AGO2: variants seen among roughly 807,000 people sequenced by gnomAD.
AGO2 encodes the protein protein argonaute-2.
AGO2 carries 5 observed loss-of-function variants against 102.3 expected under a neutral mutation model. The observed-to-expected ratio is 0.05, with a 90% CI of 0.03 to 0.10. AGO2 has a LOEUF of 0.10. Ranked by LOEUF, AGO2 falls within the 10% of genes least tolerant of loss-of-function variation. The pLI, the probability that AGO2 is intolerant of heterozygous loss-of-function variation, is 1.00. For missense variants in AGO2, 541 were observed against 1,183.7 expected, an observed-to-expected ratio of 0.46 and a Z score of 7.97; for synonymous variants, 449 against 473.1, an observed-to-expected ratio of 0.95 and a Z score of 0.66.
chr8:140,555,598 A>C (rs1588452785), intron 10 of AGO2: 1 of 297,478 alleles, frequency 3.4e-6, no homozygotes, highest in East Asian at 6.8e-5. Context: ...CCTTCTGGGA[A>C]ATAATTCGAC....
At chr8:140,597,893 C>G (rs1020383303) in intron 1 of AGO2, among the ~76,000 whole-genome samples, 1 of 152,198 alleles carries the variant, frequency 6.6e-6, no homozygotes, top group Non-Finnish European at 1.5e-5. Context: ...CGGGCTGTTG[C>G]GTCATCTGCC....
In AGO2 at chr8:140,615,245, T is replaced by C. The variant is rs1422663786; in HGVS notation, c.22+20240A>G. 2.0e-5 allele frequency among the ~76,000 whole-genome samples: 3 copies of C among 152,242 alleles called. No homozygotes were observed. In the East Asian group the frequency reaches 5.8e-4, roughly 29 times the overall value. On this transcript the variant is annotated intron_variant, in intron 1 of 18. Transcript: ENST00000220592. Reference sequence around the variant, plus strand: ...CAGCCCAGGCAACAGAGTAAGATCCTGTCTCAAAATAAAATATTATAAACA... The same window carrying C: ...CAGCCCAGGCAACAGAGTAAGATCCCGTCTCAAAATAAAATATTATAAACA...
chr8:140,574,140 A>ACCCCCCCCCCCCCCCCCC (rs2073428615), intron 2 of AGO2, among the ~76,000 whole-genome samples: 1 of 51,730 alleles, frequency 1.9e-5, no homozygotes, highest in Non-Finnish European at 4.2e-5. Flanking sequence ...CCACCCCCCA[A>ACCCCCCCCCCCCCCCCCC]CCCCCACTTC....
At chr8:140,545,024 C>A (rs556632128) in intron 13 of AGO2, among the ~76,000 whole-genome samples, 2 of 152,298 alleles carry the variant, frequency 1.3e-5, no homozygotes, top group East Asian at 3.9e-4. Context: ...CTGCTGCAGG[C>A]AACATCAGGA....
At chr8:140,537,977 C>A (rs983634066) in intron 16 of AGO2, among the ~76,000 whole-genome samples, 3 of 152,086 alleles carry the variant, frequency 2.0e-5, no homozygotes, top group Non-Finnish European at 4.4e-5. Context: ...CGCCACCACG[C>A]CTGGGTAATT....
intron 1 of AGO2, among the ~76,000 whole-genome samples, chr8:140,612,798 A>C (rs1312088990): frequency 6.6e-6 from 1 of 152,124 alleles, no homozygotes; most frequent in Non-Finnish European, 1.5e-5. Context: ...GTTTTGGTGT[A>C]GTAGCAACAA....
At chr8:140,619,562 TGCGCCGCAGAGCACAGAAGAGGAG>T (rs1254227299) in intron 1 of AGO2, among the ~76,000 whole-genome samples, 1 of 152,144 alleles carries the variant, frequency 6.6e-6, no homozygotes, top group African/African-American at 2.4e-5. Context: ...GGCCGCTCAC[TGCGCCGCAGAGCACAGAAGAGGAG>T]GGACCTACCC....
chr8:140,544,589 AGGAGGGC>A (rs2072864064), intron 13 of AGO2, among the ~76,000 whole-genome samples: 1 of 135,324 alleles, frequency 7.4e-6, no homozygotes, highest in Non-Finnish European at 1.6e-5. Flanking sequence ...GCCCAGGCCC[AGGAGGGC>A]TCACCCTTCT....
intron 1 of AGO2, among the ~76,000 whole-genome samples, chr8:140,606,665 G>A (rs867887248): frequency 1.3e-4 from 20 of 152,190 alleles, no homozygotes; most frequent in Non-Finnish European, 1.0e-4. Context: ...GGCTGGGCGC[G>A]GTGGCTCATG....
intron 2 of AGO2, among the ~76,000 whole-genome samples, chr8:140,581,209 C>A (rs954290787): frequency 6.6e-6 from 1 of 152,238 alleles, no homozygotes; most frequent in African/African-American, 2.4e-5. Context: ...TTGAGACCAG[C>A]CTGGGCAACA....
intron 2 of AGO2, among the ~76,000 whole-genome samples, chr8:140,584,063 T>C (rs1052022168): frequency 1.3e-5 from 2 of 150,992 alleles, no homozygotes; most frequent in Non-Finnish European, 2.9e-5. Flanking sequence ...CGGAGGATGC[T>C]TACAAATGCA....
intron 3 of AGO2, 45 bp from the exon 4 acceptor site, chr8:140,562,679 C>T: frequency 6.3e-7 from 1 of 1,584,428 alleles, no homozygotes; most frequent in African/African-American, 1.3e-5. Flanking sequence ...CCTGCGAAGC[C>T]CCAGGGAGGA....
intron 1 of AGO2, among the ~76,000 whole-genome samples, chr8:140,623,266 T>G (rs187366800): frequency 3.6e-5 from 2 of 54,960 alleles, no homozygotes; most frequent in Admixed American, 2.0e-4. Context: ...GGTCTCCTCT[T>G]GGGGGAATAA....
intron 17 of AGO2, 178 bp from the exon 18 acceptor site, chr8:140,532,793 G>A (rs980626033): frequency 7.2e-5 from 44 of 608,930 alleles, no homozygotes; most frequent in East Asian, 1.2e-4. Context: ...TCAGGAGTTC[G>A]AGTCCAGCCT....
At chr8:140,635,454 C>T in intron 1 of AGO2, 31 bp downstream of exon 1, 1 of 979,972 alleles carries the variant, frequency 1.0e-6, no homozygotes, top group Non-Finnish European at 1.2e-6. Context: ...GCGCGAACGG[C>T]CGGGCGGGCG....
intron 2 of AGO2, among the ~76,000 whole-genome samples, chr8:140,577,575 C>T (rs1464929974): frequency 6.6e-6 from 1 of 152,140 alleles, no homozygotes; most frequent in Non-Finnish European, 1.5e-5. Flanking sequence ...AATCTGAGGA[C>T]AAAGGCTGGC....
Position 140,541,225 on chromosome 8 carries a change from C to T in AGO2, c.1973G>A (p.Arg658His), listed in dbSNP as rs1442254850. Residue 658 changes from arginine (R) to histidine (H), a missense_variant, in exon 15 of 19, where the codon CGC becomes CAC. Physicochemically the swap from Arg to His is conservative, Grantham distance 29 (BLOSUM62 0). Transcript: ENST00000220592. ...GAAGATGATGCGGGTGGGCTTGAAGCGCGTGGACTTGTAGAACTGGATGAG... is the reference window on the plus strand; with the variant it reads ...GAAGATGATGCGGGTGGGCTTGAAGTGCGTGGACTTGTAGAACTGGATGAG... ...ELLIQFYKST[R>H]FKPTRIIFYR... The T allele has an allele frequency of 3.1e-6, 5 of 1,606,062 alleles. No homozygotes were observed. Among genetic ancestry groups the T allele is most frequent in the African/African-American group, 2.7e-5 (2 of 74,854 alleles).
At chr8:140,577,004 G>A (rs779082454) in intron 2 of AGO2, among the ~76,000 whole-genome samples, 50 of 152,134 alleles carry the variant, frequency 3.3e-4, no homozygotes, top group Admixed American at 2.2e-3. Context: ...TCAGGAGATC[G>A]AGACCACCCT....
chr8:140,544,150 G>T, intron 14 of AGO2, 63 bp downstream of exon 14: 1 of 1,481,974 alleles, frequency 6.7e-7, no homozygotes. Flanking sequence ...CTGTGACAGT[G>T]GGACTTCGAC....
Sources: allele counts gnomAD v4.1 joint callset (sites outside exome capture counted in the v4.1 genomes callset), GRCh38; gene constraint gnomAD v4.1.1; transcripts MANE v1.5; gene names NCBI Gene and HGNC (gene_info 2026-07-23, HGNC 2026-07-21).